ATP13A4: variants seen among roughly 807,000 people sequenced by gnomAD.
ATP13A4 encodes the protein ATPase 13A4.
Under a neutral mutation model 142.5 loss-of-function variants are expected in ATP13A4, and 114 were observed. The observed-to-expected ratio is 0.80, with a 90% confidence interval of 0.69 to 0.93. The LOEUF is 0.93. ATP13A4 is among the 40% of genes least tolerant of loss of function. The probability of loss-of-function intolerance (pLI) is 0.00; values close to 1 mark genes in which losing one functional copy is unlikely to be tolerated. For synonymous variants in ATP13A4, 488 were observed against 514.8 expected (o/e 0.95, Z 0.70); for missense variants, 1,392 against 1,454.0 (o/e 0.96, Z 0.69).
In ATP13A4 at chr3:193,463,203, C is replaced by T. The variant is rs190485824; in HGVS notation, c.1462-380G>A. ...CTTAATCTTTTCAAACTTTAGTGTCCTCCATAACAACAACAAAAAAAGTAT... is the reference window on the plus strand; with the variant it reads ...CTTAATCTTTTCAAACTTTAGTGTCTTCCATAACAACAACAAAAAAAGTAT... On this transcript the variant is annotated intron_variant, in intron 12 of 29. Transcript: ENST00000342695. Among the ~76,000 whole-genome samples the T allele has an allele frequency of 1.1e-4, 17 of 152,042 alleles. No individual in the cohort carries two copies. The East Asian group carries it at 2.9e-3, about 26-fold the overall frequency.
chr3:193,461,844 C>T (rs1717963265), intron 13 of ATP13A4, among the ~76,000 whole-genome samples: 1 of 152,160 alleles, frequency 6.6e-6, no homozygotes, highest in Admixed American at 6.5e-5. Context: ...TCAAACATGG[C>T]CACAAGAGGG....
chr3:193,493,808 C>T (rs980895174), intron 3 of ATP13A4, among the ~76,000 whole-genome samples: 5 of 151,924 alleles, frequency 3.3e-5, no homozygotes, highest in Non-Finnish European at 7.4e-5. Context: ...CATAAGTCCT[C>T]GGTAAGGTTT....
intron 1 of ATP13A4, among the ~76,000 whole-genome samples, chr3:193,548,056 A>C (rs76591797): frequency 0.016 from 2,369 of 152,284 alleles, 42 homozygotes; most frequent in African/African-American, 0.049. Flanking sequence ...ATCTCATAGA[A>C]AAATAGTATA....
At chr3:193,558,092 A>C (rs1288487586), upstream of ATP13A4, among the ~76,000 whole-genome samples, 2 of 152,128 alleles carry the variant, frequency 1.3e-5, no homozygotes, top group African/African-American at 2.4e-5. Flanking sequence ...GGCAAACTGA[A>C]CTCCATAAAT....
chr3:193,586,306 G>A (rs913133014), intron 1 of ATP13A4, among the ~76,000 whole-genome samples: 1 of 152,088 alleles, frequency 6.6e-6, no homozygotes, highest in African/African-American at 2.4e-5. Flanking sequence ...TATCATTGGT[G>A]TTATTTGGTG....
intron 24 of ATP13A4, among the ~76,000 whole-genome samples, chr3:193,435,311 T>G (rs1407078338): frequency 6.6e-6 from 1 of 152,120 alleles, no homozygotes; most frequent in East Asian, 1.9e-4. Context: ...AGAGAACCAT[T>G]TCTTTAGTGA....
chr3:193,499,828 T>G (rs1720440579), intron 3 of ATP13A4, among the ~76,000 whole-genome samples: 1 of 152,092 alleles, frequency 6.6e-6, no homozygotes, highest in South Asian at 2.1e-4. Flanking sequence ...GGTTGAAAAA[T>G]GTATAAAACA....
At chr3:193,569,824 T>C (rs1724220487) in intron 2 of ATP13A4, among the ~76,000 whole-genome samples, 1 of 151,362 alleles carries the variant, frequency 6.6e-6, no homozygotes, top group African/African-American at 2.5e-5. Flanking sequence ...TATGAACCAC[T>C]TCACCCAGCC....
In ATP13A4 at chr3:193,462,647, A is replaced by G. The variant is rs1212866482; in HGVS notation, c.1523+115T>C. 3 of 974,404 alleles carry G rather than the reference A, an allele frequency of 3.1e-6. No homozygotes were observed. In the African/African-American group the frequency reaches 4.9e-5, roughly 16 times the overall value. 60.4% of individuals were successfully genotyped at this position (974,404 alleles called of 1,614,324 possible). On this transcript the variant is annotated intron_variant, in intron 13 of 29. Coordinates refer to ENST00000342695, the MANE Select transcript of ATP13A4 (RefSeq NM_032279.4). ...GTTAAAAGAAGATACTTTGGCAATC[A>G]TTGTCCACCAAAGCCAAAGTCCAAA...
intron 1 of ATP13A4, among the ~76,000 whole-genome samples, chr3:193,527,638 C>T (rs1722083338): frequency 1.3e-5 from 2 of 151,666 alleles, no homozygotes; most frequent in African/African-American, 4.8e-5. Flanking sequence ...GGCAGCACTT[C>T]CCCCCTCCCC....
intron 2 of ATP13A4, among the ~76,000 whole-genome samples, chr3:193,573,267 A>ATG: frequency 1.0e-5 from 1 of 97,906 alleles, no homozygotes; most frequent in African/African-American, 5.0e-5. Flanking sequence ...AGCCATATAT[A>ATG]TATATATACA....
Position 193,519,036 on chromosome 3 carries a change from A to G in ATP13A4, c.61-4165T>C, listed in dbSNP as rs1225261497. ...TTCTAAGCACCCCACAATGCAGAGG[A>G]CATTCTCCTACCTCCACCCTCCACA... On this transcript the variant is annotated intron_variant, in intron 1 of 29. Transcript: ENST00000342695. 2.0e-5 allele frequency among the ~76,000 whole-genome samples: 3 copies of G among 152,136 alleles called. No homozygotes were observed. In the East Asian group the frequency reaches 5.8e-4, roughly 29 times the overall value.
intron 1 of ATP13A4, chr3:193,553,638 G>A (rs934234426): frequency 5.1e-4 from 77 of 152,248 alleles, no homozygotes; most frequent in African/African-American, 1.8e-3. Flanking sequence ...AAATCTGAAT[G>A]AAGTAAAGGA....
chr3:193,485,364 G>A (rs1183906524), intron 7 of ATP13A4, among the ~76,000 whole-genome samples: 1 of 152,186 alleles, frequency 6.6e-6, no homozygotes, highest in Non-Finnish European at 1.5e-5. Context: ...CTTAGAGAGT[G>A]GCCTGAGGAT....
intron 7 of ATP13A4, 62 bp from the exon 8 acceptor site, chr3:193,484,067 A>AAGG: frequency 7.2e-7 from 1 of 1,391,490 alleles, no homozygotes; most frequent in Non-Finnish European, 1.0e-6. Context: ...AGGTATTATT[A>AAGG]AGGTGCTAGG....
chr3:193,536,551 A>T (rs1294641887), intron 1 of ATP13A4, among the ~76,000 whole-genome samples: 1 of 152,090 alleles, frequency 6.6e-6, no homozygotes, highest in Admixed American at 6.5e-5. Context: ...TAATGGTGAA[A>T]AACTAACTTT....
chr3:193,490,589 C>T (rs761021554), intron 6 of ATP13A4, among the ~76,000 whole-genome samples: 1 of 152,106 alleles, frequency 6.6e-6, no homozygotes, highest in Non-Finnish European at 1.5e-5. Context: ...ACATGCTGTG[C>T]CTTTACTTAA....
At chr3:193,411,198 G>C (rs1307124461) in intron 27 of ATP13A4, 128 bp from the exon 28 acceptor site, 1 of 725,120 alleles carries the variant, frequency 1.4e-6, no homozygotes, top group Non-Finnish European at 2.5e-6. Context: ...ATACTAGATG[G>C]AAAGTATTCA....
At chr3:193,403,713 C>T in intron 29 of ATP13A4, 1 of 964,614 alleles carries the variant, frequency 1.0e-6, no homozygotes, top group Non-Finnish European at 1.2e-6. Context: ...CAAGTTATAA[C>T]TTATAATTCA....
Sources: gnomAD v4.1 joint callset for allele counts (sites outside exome capture counted in the v4.1 genomes callset) on GRCh38, gnomAD v4.1.1 for gene constraint, MANE v1.5 for transcripts, NCBI Gene and HGNC (gene_info 2026-07-23, HGNC 2026-07-21) for gene names.